The following PTPRD variants were observed in gnomAD, a reference collection of about 807,000 sequenced individuals.
PTPRD encodes the protein receptor-type tyrosine-protein phosphatase delta.
Under a neutral mutation model 214.5 loss-of-function variants are expected in PTPRD, and 34 were observed. The observed-to-expected ratio is 0.16, with a 90% CI of 0.12 to 0.21. PTPRD has a LOEUF of 0.21. Ranked by LOEUF, PTPRD falls within the 10% of genes least tolerant of loss-of-function variation. The pLI is 1.00. For missense variants in PTPRD, 2,545 were observed against 2,398.7 expected (o/e 1.06, Z -1.27); for synonymous variants, 1,128 against 845.7 (o/e 1.33, Z -5.79).
At chr9:8,914,512 T>C (rs1194725822) in intron 11 of PTPRD, among the ~76,000 whole-genome samples, 2 of 152,136 alleles carry the variant, frequency 1.3e-5, no homozygotes, top group Admixed American at 6.5e-5. Context: ...AGCTCAGAAA[T>C]ATGTAGAGTG....
intron 12 of PTPRD, among the ~76,000 whole-genome samples, chr9:8,675,345 G>A (rs1157884773): frequency 6.6e-6 from 1 of 151,894 alleles, no homozygotes; most frequent in Non-Finnish European, 1.5e-5. Flanking sequence ...ATCCTGCAGA[G>A]TGAGCTGTAT....
intron 4 of PTPRD, among the ~76,000 whole-genome samples, chr9:9,980,851 C>T (rs188666697): frequency 2.1e-5 from 2 of 96,140 alleles, no homozygotes; most frequent in Non-Finnish European, 4.7e-5. Context: ...TTTAAATGTT[C>T]AAGCTTGTTT....
At chr9:10,487,407 G>A (rs2099139738) in intron 2 of PTPRD, among the ~76,000 whole-genome samples, 2 of 151,900 alleles carry the variant, frequency 1.3e-5, no homozygotes, top group African/African-American at 4.8e-5. Flanking sequence ...TTTAGTTAAG[G>A]TAATTTTCTC....
chr9:9,822,286 C>G (rs889686848), intron 5 of PTPRD, among the ~76,000 whole-genome samples: 3 of 151,400 alleles, frequency 2.0e-5, no homozygotes, highest in Non-Finnish European at 2.9e-5. Flanking sequence ...TGGTGCATGC[C>G]TGTAGTTCCA....
intron 9 of PTPRD, among the ~76,000 whole-genome samples, chr9:9,234,100 C>A (rs969241078): frequency 1.3e-5 from 2 of 152,210 alleles, no homozygotes; most frequent in Non-Finnish European, 2.9e-5. Context: ...TCAGCCCCTG[C>A]AGCAAACTTC....
At chr9:9,233,815 G>A (rs1008464278) in intron 9 of PTPRD, among the ~76,000 whole-genome samples, 4 of 152,220 alleles carry the variant, frequency 2.6e-5, no homozygotes, top group African/African-American at 4.8e-5. Context: ...GCTGATGCAT[G>A]ACGTGGGCTC....
chr9:10,162,724 T>A (rs552393414), intron 3 of PTPRD, among the ~76,000 whole-genome samples: 1 of 145,494 alleles, frequency 6.9e-6, no homozygotes, highest in Non-Finnish European at 1.5e-5. Flanking sequence ...TATATACATA[T>A]ACATGTACAT....
At chr9:8,632,115 GCTT>G (rs2096271421) in intron 14 of PTPRD, among the ~76,000 whole-genome samples, 1 of 145,568 alleles carries the variant, frequency 6.9e-6, no homozygotes, top group Non-Finnish European at 1.5e-5. Flanking sequence ...CTCTTGAATT[GCTT>G]CTTTGTGTGT....
At chr9:8,759,998 G>C (rs80177862) in intron 11 of PTPRD, among the ~76,000 whole-genome samples, 89 of 152,302 alleles carry the variant, frequency 5.8e-4, no homozygotes, top group Non-Finnish European at 1.0e-3. Flanking sequence ...CTAATCAGGA[G>C]AAGATTATTG....
chr9:9,567,267 G>A (rs1343431633), intron 8 of PTPRD, among the ~76,000 whole-genome samples: 1 of 151,832 alleles, frequency 6.6e-6, no homozygotes, highest in African/African-American at 2.4e-5. Flanking sequence ...GGGAGGTTCT[G>A]CTAGGGGTGG....
chr9:8,778,198 C>T (rs62528832), intron 11 of PTPRD, among the ~76,000 whole-genome samples: 16,778 of 152,246 alleles, frequency 0.11, 1,010 homozygotes, highest in Middle Eastern at 0.13. Flanking sequence ...GTGATAGCCA[C>T]AGGCTAGACA....
rs1046695912 is a variant in PTPRD, at chr9:9,130,200, G to A, written c.-143+53104C>T. Among the ~76,000 whole-genome samples, 4 of 152,056 alleles carry A rather than the reference G, an allele frequency of 2.6e-5. 1 individual carries two copies. Among genetic ancestry groups the A allele is most frequent in the Admixed American group, 2.6e-4 (4 of 15,270 alleles). Reference sequence around the variant, plus strand: ...TTTCAGAATAATGAGTGGTTTGACAGGAGTAAGTCCAGATCTTGAAATATT... The same window carrying A: ...TTTCAGAATAATGAGTGGTTTGACAAGAGTAAGTCCAGATCTTGAAATATT... On this transcript the variant is annotated intron_variant, in intron 10 of 45. Coordinates refer to ENST00000381196, the MANE Select transcript of PTPRD (RefSeq NM_002839.4).
At chr9:8,827,772 G>C (rs1019128824) in intron 11 of PTPRD, among the ~76,000 whole-genome samples, 1 of 152,016 alleles carries the variant, frequency 6.6e-6, no homozygotes, top group Non-Finnish European at 1.5e-5. Flanking sequence ...TTGTTTACTA[G>C]TGATTATTAA....
rs1378111682 is a variant in PTPRD at position 10,353,674 on chromosome 9, A to G, written c.-599-12657T>C. Reference sequence around the variant, plus strand: ...CTTACACTGTTTAAAAATCAAGACTATCCCTCACAAAATGAGAGCAAGCTC... The same window carrying G: ...CTTACACTGTTTAAAAATCAAGACTGTCCCTCACAAAATGAGAGCAAGCTC... On this transcript the variant is annotated intron_variant, in intron 2 of 45. Coordinates refer to ENST00000381196, the MANE Select transcript of PTPRD (RefSeq NM_002839.4). Among the ~76,000 whole-genome samples, 11 of 152,104 alleles carry G rather than the reference A, an allele frequency of 7.2e-5. No individual in the cohort carries two copies. In the South Asian group the frequency reaches 2.3e-3, roughly 32 times the overall value.
intron 3 of PTPRD, among the ~76,000 whole-genome samples, chr9:10,035,879 C>A (rs1345444191): frequency 6.6e-6 from 1 of 150,910 alleles, no homozygotes; most frequent in Non-Finnish European, 1.5e-5. Context: ...AGACAGCATG[C>A]TTCTGACAAC....
intron 12 of PTPRD, among the ~76,000 whole-genome samples, chr9:8,705,355 G>A (rs1484711407): frequency 6.6e-6 from 1 of 152,154 alleles, no homozygotes; most frequent in Non-Finnish European, 1.5e-5. Flanking sequence ...GAGTAGCTGG[G>A]ATTACAGGCA....
At position 8,512,416 on chromosome 9, in the gene PTPRD, T is replaced by A. The variant is rs546627435; in HGVS notation, c.1544-4982A>T. ...CTCCTTTACTCATTGCTAAATCTAT[T>A]CAGAAAAAGCATTTAAATTGGACTC... On this transcript the variant is annotated intron_variant, in intron 21 of 45. Coordinates refer to ENST00000381196, the MANE Select transcript of PTPRD (RefSeq NM_002839.4). Among the ~76,000 whole-genome samples, 7 of 152,170 alleles carry A rather than the reference T, an allele frequency of 4.6e-5. No individual in the cohort carries two copies. The East Asian group carries it at 1.2e-3, about 25-fold the overall frequency.
intron 11 of PTPRD, among the ~76,000 whole-genome samples, chr9:8,959,744 C>T (rs1040271913): frequency 6.6e-6 from 1 of 152,020 alleles, no homozygotes; most frequent in African/African-American, 2.4e-5. Context: ...AAATCCTCCA[C>T]TAAGCCAGAT....
intron 2 of PTPRD, among the ~76,000 whole-genome samples, chr9:10,389,261 G>A (rs1366836000): frequency 6.6e-6 from 1 of 151,780 alleles, no homozygotes; most frequent in Non-Finnish European, 1.5e-5. Flanking sequence ...AAATAACAGT[G>A]ACTCATTTAA....
Sources: allele counts gnomAD v4.1 joint callset (sites outside exome capture counted in the v4.1 genomes callset), GRCh38; gene constraint gnomAD v4.1.1; transcripts MANE v1.5; gene names NCBI Gene and HGNC (gene_info 2026-07-23, HGNC 2026-07-21).